The following DDRGK1 variants were observed in gnomAD, a reference collection of about 807,000 sequenced individuals.
The protein encoded by DDRGK1 is DDRGK domain-containing protein 1.
In DDRGK1, 38 loss-of-function variants were observed where a neutral mutation model predicts 45.8. The observed-to-expected ratio is 0.83, with a 90% CI of 0.64 to 1.09. DDRGK1 has a LOEUF of 1.09. Among genes scored for constraint, DDRGK1 ranks in the 50% least tolerant of loss-of-function variants. DDRGK1 has a pLI of 0.00. For synonymous variants in DDRGK1, 171 were observed against 168.7 expected, an observed-to-expected ratio of 1.01 and a Z score of -0.11; for missense variants, 403 against 419.9, an observed-to-expected ratio of 0.96 and a Z score of 0.35.
intron 6 of DDRGK1, among the ~76,000 whole-genome samples, chr20:3,192,484 G>A (rs756997024): frequency 3.4e-4 from 52 of 152,222 alleles, no homozygotes; most frequent in Middle Eastern, 6.8e-3. Flanking sequence ...TTCGCTGGCC[G>A]CCCCACTGGC....
intron 3 of DDRGK1, 27 bp from the exon 4 acceptor site, chr20:3,200,129 A>G: frequency 1.2e-6 from 2 of 1,607,806 alleles, no homozygotes; most frequent in Non-Finnish European, 1.7e-6. Context: ...ATAGGGGCAC[A>G]TCCCTCACCC....
Position 3,190,515 on chromosome 20 carries a change from C to T in DDRGK1, c.*138G>A. On this transcript the variant is annotated 3_prime_UTR_variant, in exon 9 of 9. Transcript: ENST00000354488. ...GGCCTTCTGCCACACCAAGCCACACCAAGCTCAGCAGTACTCACAGGCCTT... is the reference window on the plus strand; with the variant it reads ...GGCCTTCTGCCACACCAAGCCACACTAAGCTCAGCAGTACTCACAGGCCTT... The T allele has an allele frequency of 1.8e-6, 2 of 1,129,968 alleles. No homozygotes were observed. The allele number at this position is 1,129,968 out of a possible 1,614,324, so 70.0% of individuals were successfully genotyped here. A position where few individuals can be genotyped will look rare whatever the true frequency, so the allele number is the denominator to read the frequency against.
chr20:3,200,167 C>T, intron 3 of DDRGK1, 65 bp from the exon 4 acceptor site: 1 of 1,569,246 alleles, frequency 6.4e-7, no homozygotes, highest in Admixed American at 1.8e-5. Flanking sequence ...ACCGCCCAGA[C>T]AGACTAGGGA....
intron 6 of DDRGK1, among the ~76,000 whole-genome samples, chr20:3,192,802 G>A (rs143020512): frequency 6.6e-6 from 1 of 152,316 alleles, no homozygotes; most frequent in East Asian, 1.9e-4. Context: ...TGAGCTGGGG[G>A]AGGACTGACA....
At chr20:3,191,972 GACAC>G (rs150309651) in intron 6 of DDRGK1, 151 bp from the exon 7 acceptor site, 78,554 of 559,228 alleles carry the variant, frequency 0.14, 2,581 homozygotes, top group Non-Finnish European at 0.17. Flanking sequence ...TTGCTCCCCT[GACAC>G]ACACACACAC....
intron 7 of DDRGK1, chr20:3,191,510 A>C: frequency 7.2e-6 from 5 of 693,302 alleles, no homozygotes; most frequent in Non-Finnish European, 1.3e-5. Flanking sequence ...AGAGTTGTCA[A>C]GGTAACTGAT....
chr20:3,198,931 T>C (rs985645097), intron 4 of DDRGK1, among the ~76,000 whole-genome samples: 12 of 141,626 alleles, frequency 8.5e-5, no homozygotes, highest in African/African-American at 3.2e-4. Flanking sequence ...TGCTTGAGTC[T>C]AGGAATTCAA....
chr20:3,197,681 G>A (rs1293895251), intron 4 of DDRGK1, among the ~76,000 whole-genome samples: 1 of 151,968 alleles, frequency 6.6e-6, no homozygotes, highest in Non-Finnish European at 1.5e-5. Flanking sequence ...TGTAATCCCA[G>A]CACTTTGGGA....
chr20:3,193,608 T>C (rs2066998180), intron 6 of DDRGK1, among the ~76,000 whole-genome samples: 2 of 152,176 alleles, frequency 1.3e-5, no homozygotes, highest in African/African-American at 2.4e-5. Context: ...TGACCTCAAG[T>C]GATCTGCCCG....
chr20:3,191,252 A>G lies in DDRGK1; in HGVS notation c.730-14T>C. ...ATTTATGGTGTCCTATGAGGAGAAC[A>G]ACTCTCAGAATAGAGATAGGCACCA... On this transcript the variant is annotated splice_polypyrimidine_tract_variant and intron_variant, in intron 7 of 8. Coordinates refer to ENST00000354488, the MANE Select transcript of DDRGK1 (RefSeq NM_023935.3). The G allele has an allele frequency of 6.2e-7, 1 of 1,614,140 alleles. No individual in the cohort carries two copies. Among genetic ancestry groups the G allele is most frequent in the Non-Finnish European group, 8.5e-7 (1 of 1,179,972 alleles).
chr20:3,203,648 C>T (rs1341838065), intron 1 of DDRGK1, among the ~76,000 whole-genome samples: 1 of 152,252 alleles, frequency 6.6e-6, no homozygotes, highest in East Asian at 1.9e-4. Flanking sequence ...TCTCCCCTCC[C>T]GGCTCCACCT....
At chr20:3,196,637 T>C (rs978733436) in intron 4 of DDRGK1, among the ~76,000 whole-genome samples, 2 of 152,014 alleles carry the variant, frequency 1.3e-5, no homozygotes, top group East Asian at 1.9e-4. Context: ...GCCGAGACTG[T>C]GCCACTGCAC....
chr20:3,194,715 C>G (rs967405339), intron 6 of DDRGK1, 115 bp downstream of exon 6: 5 of 1,395,040 alleles, frequency 3.6e-6, no homozygotes, highest in East Asian at 2.3e-5. Context: ...TCTGGGCCCC[C>G]CTGTCCACTC....
intron 4 of DDRGK1, among the ~76,000 whole-genome samples, chr20:3,196,509 C>G (rs1319253258): frequency 1.1e-4 from 8 of 75,608 alleles, no homozygotes; most frequent in East Asian, 2.7e-4. Context: ...AACCCTGTCT[C>G]CACTAAAAAT....
intron 7 of DDRGK1, chr20:3,191,543 G>T (rs990945987): frequency 2.7e-6 from 2 of 735,812 alleles, no homozygotes; most frequent in East Asian, 5.4e-5. Flanking sequence ...GGTCACAGGG[G>T]CTGGCAGAGT....
intron 2 of DDRGK1, among the ~76,000 whole-genome samples, chr20:3,201,651 T>C (rs1201942510): frequency 6.6e-6 from 1 of 151,266 alleles, no homozygotes; most frequent in Non-Finnish European, 1.5e-5. Flanking sequence ...GAGAGAGGGT[T>C]GTTTTTTTTG....
intron 4 of DDRGK1, among the ~76,000 whole-genome samples, chr20:3,198,829 T>TG (rs1390101613): frequency 7.3e-6 from 1 of 137,308 alleles, no homozygotes; most frequent in Non-Finnish European, 1.6e-5. Flanking sequence ...AAAAGGATAC[T>TG]GGGAAAAAAC....
At chr20:3,191,476 A>T (rs1035268147) in intron 7 of DDRGK1, 4 of 662,840 alleles carry the variant, frequency 6.0e-6, no homozygotes, top group Admixed American at 4.7e-5. Context: ...TGTTTGCAAC[A>T]CAGGCTGGTG....
intron 1 of DDRGK1, 102 bp from the exon 2 acceptor site, chr20:3,203,518 TG>T: frequency 7.2e-7 from 1 of 1,393,936 alleles, no homozygotes. Flanking sequence ...CTTAGCGGCC[TG>T]CTGCCCACAG....
Sources: allele counts gnomAD v4.1 joint callset (sites outside exome capture counted in the v4.1 genomes callset), GRCh38; gene constraint gnomAD v4.1.1; transcripts MANE v1.5; gene names NCBI Gene and HGNC (gene_info 2026-07-23, HGNC 2026-07-21).